The following MPDZ variants were observed in gnomAD, a reference collection of about 807,000 sequenced individuals.
MPDZ encodes the protein multiple PDZ domain crumbs cell polarity complex component.
A neutral mutation model predicts 239.1 loss-of-function variants in MPDZ; 234 were observed. The observed-to-expected ratio is 0.98, with a 90% CI of 0.88 to 1.09. The LOEUF is 1.09. Ranked by LOEUF, MPDZ falls within the 50% of genes least tolerant of loss-of-function variation. The pLI, the probability that MPDZ is intolerant of heterozygous loss-of-function variation, is 0.00. For synonymous variants in MPDZ, 1,048 were observed against 881.3 expected, an observed-to-expected ratio of 1.19 and a Z score of -3.35; for missense variants, 3,175 against 2,510.0, an observed-to-expected ratio of 1.26 and a Z score of -5.66.
chr9:13,152,951 G>A (rs148592131), intron 24 of MPDZ, among the ~76,000 whole-genome samples: 2 of 152,224 alleles, frequency 1.3e-5, no homozygotes, highest in East Asian at 1.9e-4. Context: ...AGAGTTCAGG[G>A]TGTTGGAGGA....
intron 8 of MPDZ, 149 bp from the exon 9 acceptor site, chr9:13,217,443 T>C: frequency 1.7e-6 from 1 of 588,938 alleles, no homozygotes. Flanking sequence ...AGACGATTCC[T>C]TTAATCCTGA....
intron 19 of MPDZ, 54 bp downstream of exon 19, chr9:13,183,364 G>A (rs891599311): frequency 1.0e-5 from 15 of 1,472,812 alleles, no homozygotes; most frequent in East Asian, 2.3e-5. Context: ...CTGAGCTCTG[G>A]AAAATTACAC....
At chr9:13,229,577 TACACAC>T (rs139327129) in intron 3 of MPDZ, among the ~76,000 whole-genome samples, 11 of 136,160 alleles carry the variant, frequency 8.1e-5, no homozygotes, top group South Asian at 2.3e-4. Context: ...ACACCACACT[TACACAC>T]ACACACACAC....
intron 27 of MPDZ, among the ~76,000 whole-genome samples, chr9:13,142,228 G>GAACA (rs753476262): frequency 9.2e-5 from 14 of 151,880 alleles, no homozygotes; most frequent in Non-Finnish European, 1.2e-4. Context: ...GTTATTTTAA[G>GAACA]AACAAACAAA....
intron 10 of MPDZ, among the ~76,000 whole-genome samples, chr9:13,208,665 G>A (rs934319002): frequency 1.3e-5 from 2 of 148,890 alleles, no homozygotes; most frequent in Admixed American, 6.7e-5. Context: ...AGTTTATATA[G>A]GATATATATA....
intron 18 of MPDZ, among the ~76,000 whole-genome samples, chr9:13,184,571 T>G (rs1953834815): frequency 6.6e-6 from 1 of 152,090 alleles, no homozygotes; most frequent in South Asian, 2.1e-4. Flanking sequence ...GGCCTAATAA[T>G]ATATTTTAAA....
In MPDZ at chr9:13,223,593, G is replaced by C. The variant is rs181479224; in HGVS notation, c.511C>G (p.Gln171Glu). 2.6e-3 allele frequency: 4,124 copies of C among 1,612,108 alleles called. 6 individuals are homozygous for C. Among genetic ancestry groups the C allele is most frequent in the Non-Finnish European group, 3.2e-3 (3,759 of 1,178,752 alleles). Residue 171 changes from glutamine (Q) to glutamate (E), a missense_variant, in exon 5 of 47, where the codon CAA becomes GAA. Transcript: ENST00000319217. Reference sequence around the variant, plus strand: ...CACCTATGGGCCACACTGCCCTCTTGTATCTCTTGAACAAATATTCCCAGC... The same window carrying C: ...CACCTATGGGCCACACTGCCCTCTTCTATCTCTTGAACAAATATTCCCAGC... The part of the protein sequence containing the change: ...GELGIFVQEI[Q>E]EGSVAHRDGR...
At chr9:13,260,000 A>ATT (rs113820106) in intron 1 of MPDZ, among the ~76,000 whole-genome samples, 2 of 144,202 alleles carry the variant, frequency 1.4e-5, no homozygotes, top group Admixed American at 7.0e-5. Context: ...CGCCCGGCTA[A>ATT]TTTTTTTTTT....
chr9:13,235,535 T>C (rs1293778521), intron 3 of MPDZ, among the ~76,000 whole-genome samples: 2 of 152,220 alleles, frequency 1.3e-5, no homozygotes, highest in African/African-American at 2.4e-5. Flanking sequence ...TGAGATAAGA[T>C]ACCTTTCTGT....
intron 3 of MPDZ, among the ~76,000 whole-genome samples, chr9:13,237,441 C>CAAAA (rs71331532): frequency 3.7e-5 from 2 of 54,690 alleles, no homozygotes; most frequent in Admixed American, 5.3e-4. Context: ...GACACTGTCT[C>CAAAA]AAAAAAAAAA....
At chr9:13,143,324 C>T (rs1465640918) in intron 27 of MPDZ, 142 bp downstream of exon 27, 3 of 604,946 alleles carry the variant, frequency 5.0e-6, no homozygotes, top group Admixed American at 3.0e-5. Context: ...TCTGCATGCC[C>T]ACTCCAAACA....
intron 30 of MPDZ, 42 bp downstream of exon 30, chr9:13,136,670 T>G (rs1946864124): frequency 8.0e-7 from 1 of 1,253,444 alleles, no homozygotes; most frequent in East Asian, 2.5e-5. Context: ...GAAGAAATGC[T>G]AACAAAAAGT....
chr9:13,121,055 T>A (rs1422764400), intron 38 of MPDZ, among the ~76,000 whole-genome samples: 1 of 152,244 alleles, frequency 6.6e-6, no homozygotes, highest in African/African-American at 2.4e-5. Context: ...TTAATATTAC[T>A]TACATGTAAA....
rs1425137610 is a variant in MPDZ at position 13,113,919 on chromosome 9, A to T, written c.5557+12T>A. 1.3e-6 allele frequency: 2 copies of T among 1,569,864 alleles called. No homozygotes were observed. Among genetic ancestry groups the T allele is most frequent in the Non-Finnish European group, 1.7e-6 (2 of 1,154,548 alleles). On this transcript the variant is annotated intron_variant, in intron 41 of 46. Coordinates refer to ENST00000319217, the MANE Select transcript of MPDZ (RefSeq NM_001378778.1). ...AATTCAAACCATGTTTAAAATACTG[A>T]ACCAATCTTACATGCATTCTTCTTT...
intron 3 of MPDZ, among the ~76,000 whole-genome samples, chr9:13,237,840 T>C (rs557883561): frequency 1.3e-5 from 2 of 152,154 alleles, no homozygotes; most frequent in Non-Finnish European, 2.9e-5. Flanking sequence ...AGTATAACTT[T>C]TGTATATTAT....
Position 13,247,619 on chromosome 9 carries a change from G to GTA in MPDZ, c.183+15_183+16insTA. The GTA allele has an allele frequency of 6.3e-7, 1 of 1,599,880 alleles. No individual in the cohort carries two copies. Among genetic ancestry groups the GTA allele is most frequent in the Non-Finnish European group, 8.6e-7 (1 of 1,169,286 alleles). ...TGCCATGTCGTGAATGCCTGCTTGGGTGAATGATGTCCTACCTGGTCTTTC... is the reference window on the plus strand; with the variant it reads ...TGCCATGTCGTGAATGCCTGCTTGGGTATGAATGATGTCCTACCTGGTCTTTC... On this transcript the variant is annotated intron_variant, in intron 3 of 46. Coordinates refer to ENST00000319217, the MANE Select transcript of MPDZ (RefSeq NM_001378778.1).
At position 13,123,230 on chromosome 9, in the gene MPDZ, A is replaced by G. The variant is rs760993873; in HGVS notation, c.4876T>C (p.Cys1626Arg). Residue 1626 changes from cysteine (C) to arginine (R), a missense_variant, in exon 36 of 47, where the codon TGC becomes CGC. Cys to Arg is a radical substitution (Grantham distance 180). Transcript: ENST00000319217. Reference protein sequence around the residue: ...DPATCPIIPGCETTIEISKGR... With the variant: ...DPATCPIIPGRETTIEISKGR... Reference sequence around the variant, plus strand: ...TTGGAAATCTCGATGGTTGTTTCGCAGCCAGGGATAATGGGGCAGGTTGCA... The same window carrying G: ...TTGGAAATCTCGATGGTTGTTTCGCGGCCAGGGATAATGGGGCAGGTTGCA... 1.2e-6 allele frequency: 2 copies of G among 1,613,530 alleles called. No individual in the cohort carries two copies. Among genetic ancestry groups the G allele is most frequent in the African/African-American group, 2.7e-5 (2 of 74,916 alleles).
At position 13,143,454 on chromosome 9, in the gene MPDZ, G is replaced by A; in HGVS notation, c.3840+12C>T. On this transcript the variant is annotated intron_variant, in intron 27 of 46. Coordinates refer to ENST00000319217, the MANE Select transcript of MPDZ (RefSeq NM_001378778.1). ...AAGGCAACCAACAGCAAGACAATGGGCATTATCCAACCTTGTCGGCGTTGA... is the reference window on the plus strand; with the variant it reads ...AAGGCAACCAACAGCAAGACAATGGACATTATCCAACCTTGTCGGCGTTGA... The A allele has an allele frequency of 6.3e-7, 1 of 1,593,986 alleles. No individual in the cohort carries two copies. Among genetic ancestry groups the A allele is most frequent in the Non-Finnish European group, 8.6e-7 (1 of 1,162,092 alleles).
chr9:13,111,746 G>T (rs1385311469), intron 43 of MPDZ, among the ~76,000 whole-genome samples: 1 of 152,042 alleles, frequency 6.6e-6, no homozygotes, highest in Non-Finnish European at 1.5e-5. Context: ...AATACTTTCT[G>T]TTCTCTTTTA....
Sources: allele counts gnomAD v4.1 joint callset (sites outside exome capture counted in the v4.1 genomes callset), GRCh38; gene constraint gnomAD v4.1.1; transcripts MANE v1.5; gene names NCBI Gene and HGNC (gene_info 2026-07-23, HGNC 2026-07-21).